The following PRRT1B variants were observed in gnomAD, a reference collection of about 807,000 sequenced individuals.
PRRT1B encodes the protein dispanin subfamily D member 2.
rs1564415236 is a variant in PRRT1B, at chr9:131,545,678, CGGGG to C, written c.25+39_25+42del. On this transcript the variant is annotated intron_variant, in intron 1 of 3. Coordinates refer to ENST00000636672, the Ensembl canonical transcript of PRRT1B. ...CAGGTGCTGGTGGGACAGGTACTGG[CGGGG>C]CAGGTACTGGCGGGGCAGGTACTGG... 2.2e-5 allele frequency: 7 copies of C among 313,494 alleles called. No homozygotes were observed. In the Admixed American group the frequency reaches 4.7e-4, roughly 21 times the overall value. The allele number at this position is 313,494 out of a possible 1,614,324, so 19.4% of individuals were successfully genotyped here.
intron 1 of PRRT1B, among the ~76,000 whole-genome samples, chr9:131,552,251 G>T (rs1278579004): frequency 6.6e-6 from 1 of 152,206 alleles, no homozygotes; most frequent in Non-Finnish European, 1.5e-5. Flanking sequence ...TTCAATCACA[G>T]CTCACTGCCC....
chr9:131,556,641 CTT>C (rs1408813407), intron 3 of PRRT1B, among the ~76,000 whole-genome samples: 1 of 150,240 alleles, frequency 6.7e-6, no homozygotes, highest in East Asian at 2.0e-4. Context: ...CCATCTCTCT[CTT>C]TTTTTTTGAT....
At chr9:131,559,588 GGCCCA>G (rs1317805199), downstream of PRRT1B, among the ~76,000 whole-genome samples, 1 of 152,214 alleles carries the variant, frequency 6.6e-6, no homozygotes, top group Admixed American at 6.5e-5. Context: ...ACAGGAGAAT[GGCCCA>G]GCCCAGCCCA....
chr9:131,556,094 C>G (rs774216651), exon 3 of PRRT1B: 101 of 400,956 alleles, frequency 2.5e-4, no homozygotes, highest in Non-Finnish European at 3.9e-4. Flanking sequence ...GGCTGGCGTG[C>G]CAGGCCCTGC....
chr9:131,554,988 C>T, exon 2 of PRRT1B: 2 of 394,148 alleles, frequency 5.1e-6, no homozygotes, highest in East Asian at 7.2e-5. Flanking sequence ...GCCGCCCGCG[C>T]TCTTCTCGCC....
At chr9:131,546,595 G>A (rs111478556) in intron 1 of PRRT1B, among the ~76,000 whole-genome samples, 2,942 of 151,956 alleles carry the variant, frequency 0.019, 87 homozygotes, top group African/African-American at 0.068. Context: ...AGCAGCTCCG[G>A]GAGATGCTGG....
chr9:131,556,379 C>A, intron 3 of PRRT1B, among the ~76,000 whole-genome samples, 166 bp downstream of exon 3: 1 of 152,146 alleles, frequency 6.6e-6, no homozygotes, highest in East Asian at 1.9e-4. Flanking sequence ...GGGATCCTTG[C>A]TCCTCCTGTC....
chr9:131,547,967 T>C (rs1588548743), intron 1 of PRRT1B, among the ~76,000 whole-genome samples: 1 of 152,254 alleles, frequency 6.6e-6, no homozygotes, highest in Middle Eastern at 3.4e-3. Context: ...GGGAAGACCG[T>C]CTTCCCTTGG....
At chr9:131,550,584 AAAC>A (rs1325828125) in intron 1 of PRRT1B, among the ~76,000 whole-genome samples, 1 of 152,136 alleles carries the variant, frequency 6.6e-6, no homozygotes, top group Non-Finnish European at 1.5e-5. Context: ...CCCTTCTATA[AAAC>A]AACAACTCCT....
chr9:131,546,179 G>A (rs1349071016), intron 1 of PRRT1B, among the ~76,000 whole-genome samples: 1 of 152,134 alleles, frequency 6.6e-6, no homozygotes, highest in African/African-American at 2.4e-5. Context: ...AGTCCTTGCA[G>A]CAGGGGAGTG....
In PRRT1B at chr9:131,556,394, C is replaced by T. The variant is rs1363710170; in HGVS notation, c.642+181C>T. Reference sequence around the variant, plus strand: ...GGGATCCTTGCTCCTCCTGTCTCTGCCCCCAACTATTCAAAATGTGCTGTG... The same window carrying T: ...GGGATCCTTGCTCCTCCTGTCTCTGTCCCCAACTATTCAAAATGTGCTGTG... On this transcript the variant is annotated intron_variant, in intron 3 of 3. Transcript: ENST00000636672. Among the ~76,000 whole-genome samples, 5 of 152,300 alleles carry T rather than the reference C, an allele frequency of 3.3e-5. No individual in the cohort carries two copies. In the East Asian group the frequency reaches 5.8e-4, roughly 18 times the overall value.
rs191384167 is a variant in PRRT1B, at chr9:131,547,175, G to A, written c.25+1535G>A. On this transcript the variant is annotated intron_variant, in intron 1 of 3. Coordinates refer to ENST00000636672, the Ensembl canonical transcript of PRRT1B. ...CAACCTCCTTTTCCCAGGTTCAAGG[G>A]ATTCTCCCTCCCAAGTAGCTAGGAT... Among the ~76,000 whole-genome samples, 7 of 148,652 alleles carry A rather than the reference G, an allele frequency of 4.7e-5. No homozygotes were observed. In the East Asian group the frequency reaches 1.2e-3, roughly 26 times the overall value.
At chr9:131,554,649 G>A (rs12351657) in exon 2 of PRRT1B, 76,763 of 391,268 alleles carry the variant, frequency 0.2, 8,796 homozygotes, top group African/African-American at 0.37. Context: ...CCAGATGCCC[G>A]CGCAGCCCGC....
At chr9:131,558,001 T>TG (rs956938695) in intron 3 of PRRT1B, 52 bp from the exon 4 acceptor site, 2 of 398,246 alleles carry the variant, frequency 5.0e-6, no homozygotes, top group African/African-American at 2.1e-5. Context: ...TGGGAGGGAG[T>TG]GGGGGCTCCC....
At chr9:131,556,913 G>A (rs931239587) in intron 3 of PRRT1B, among the ~76,000 whole-genome samples, 23 of 151,234 alleles carry the variant, frequency 1.5e-4, no homozygotes, top group African/African-American at 4.6e-4. Flanking sequence ...GATTACAGAC[G>A]TGAGCCACTG....
intron 1 of PRRT1B, among the ~76,000 whole-genome samples, chr9:131,553,719 C>CTCTG (rs1245841896): frequency 6.6e-6 from 1 of 152,232 alleles, no homozygotes; most frequent in Non-Finnish European, 1.5e-5. Flanking sequence ...AGACCCCTGG[C>CTCTG]TCTGGGCTGC....
downstream of PRRT1B, among the ~76,000 whole-genome samples, chr9:131,559,348 C>T (rs1235550863): frequency 1.3e-5 from 2 of 152,178 alleles, no homozygotes; most frequent in African/African-American, 4.8e-5. Context: ...GAGGCTGAGG[C>T]AGGAGAATTG....
exon 4 of PRRT1B, chr9:131,558,373 G>GCCTCAGCCT (rs1184722957): frequency 1.3e-5 from 5 of 394,884 alleles, no homozygotes; most frequent in African/African-American, 2.1e-5. Flanking sequence ...TTGTGGCTGG[G>GCCTCAGCCT]CCTCAGCCTC....
intron 1 of PRRT1B, among the ~76,000 whole-genome samples, chr9:131,554,140 T>C (rs1951030038): frequency 6.6e-6 from 1 of 152,234 alleles, no homozygotes; most frequent in Non-Finnish European, 1.5e-5. Flanking sequence ...ATCTAATTGG[T>C]TCAGCTCATC....
Sources: allele counts gnomAD v4.1 joint callset (sites outside exome capture counted in the v4.1 genomes callset), GRCh38; gene constraint gnomAD v4.1.1; transcripts MANE v1.5; gene names NCBI Gene and HGNC (gene_info 2026-07-23, HGNC 2026-07-21).